PTAR1: variants seen among roughly 807,000 people sequenced by gnomAD.
PTAR1 encodes the protein protein prenyltransferase alpha subunit repeat containing 1, also known as protein prenyltransferase alpha subunit repeat-containing protein 1.
In PTAR1, 17 loss-of-function variants were observed where a neutral mutation model predicts 45.5. The ratio of observed to expected loss-of-function variants is 0.37; its 90% CI spans 0.26 to 0.56. The LOEUF (loss-of-function observed/expected upper bound fraction) is 0.56, where lower values mean the gene tolerates loss of function less well. Among genes scored for constraint, PTAR1 ranks in the 20% least tolerant of loss-of-function variants. The pLI, the probability that PTAR1 is intolerant of heterozygous loss-of-function variation, is 0.77. For missense variants in PTAR1, 391 were observed against 476.3 expected (o/e 0.82, Z 1.67); for synonymous variants, 169 against 171.3 (o/e 0.99, Z 0.11).
chr9:69,745,668 T>C (rs1826244628), intron 2 of PTAR1, among the ~76,000 whole-genome samples: 1 of 152,216 alleles, frequency 6.6e-6, no homozygotes, highest in South Asian at 2.1e-4. Flanking sequence ...CAGCAGCTAC[T>C]GGGTTCAGAC....
chr9:69,726,253 T>C (rs1369429886), intron 5 of PTAR1, among the ~76,000 whole-genome samples: 3 of 152,154 alleles, frequency 2.0e-5, no homozygotes, highest in Non-Finnish European at 2.9e-5. Context: ...TGTATGCACA[T>C]GCACAGAGTT....
At chr9:69,741,670 A>G in intron 3 of PTAR1, 122 bp downstream of exon 3, 1 of 655,862 alleles carries the variant, frequency 1.5e-6, no homozygotes, top group Non-Finnish European at 2.7e-6. Context: ...TATAAAGAAT[A>G]GGGAGAAGAA....
At chr9:69,756,366 T>A (rs938736805) in intron 1 of PTAR1, among the ~76,000 whole-genome samples, 1 of 152,222 alleles carries the variant, frequency 6.6e-6, no homozygotes, top group Admixed American at 6.5e-5. Context: ...TTACTTTTTA[T>A]GACTCTTTTC....
Position 69,727,726 on chromosome 9 carries a change from ACT to A in PTAR1, c.643-4098_643-4097del, listed in dbSNP as rs1367238071. Among the ~76,000 whole-genome samples, 3 of 152,112 alleles carry A rather than the reference ACT, an allele frequency of 2.0e-5. No individual in the cohort carries two copies. The East Asian group carries it at 5.8e-4, about 29-fold the overall frequency. ...TTGAAATAGCATCACAATTTTAATTACTCTGTCTTATTAATAAACATGTAAGT... is the reference window on the plus strand; with the variant it reads ...TTGAAATAGCATCACAATTTTAATTACTGTCTTATTAATAAACATGTAAGT... On this transcript the variant is annotated intron_variant, in intron 5 of 7. Transcript: ENST00000340434.
chr9:69,730,597 C>G (rs546949029), intron 5 of PTAR1, among the ~76,000 whole-genome samples: 1 of 148,504 alleles, frequency 6.7e-6, no homozygotes, highest in East Asian at 2.0e-4. Context: ...ATGTATCTTC[C>G]TTCCCCCGGC....
intron 1 of PTAR1, among the ~76,000 whole-genome samples, chr9:69,755,364 G>C (rs925550339): frequency 6.6e-6 from 1 of 152,164 alleles, no homozygotes; most frequent in African/African-American, 2.4e-5. Flanking sequence ...TCCAGATGAT[G>C]TTCACAGTTC....
chr9:69,718,602 C>T (rs756484957), intron 7 of PTAR1, 34 bp from the exon 8 acceptor site: 40 of 1,613,238 alleles, frequency 2.5e-5, no homozygotes, highest in Non-Finnish European at 3.2e-5. Context: ...AAAGTCCCCC[C>T]AGGGCTGTCT....
intron 3 of PTAR1, among the ~76,000 whole-genome samples, chr9:69,736,359 C>A (rs535026713): frequency 6.6e-6 from 1 of 152,242 alleles, no homozygotes; most frequent in African/African-American, 2.4e-5. Context: ...GAGATTGAGA[C>A]CATCCTGGCC....
intron 3 of PTAR1, among the ~76,000 whole-genome samples, chr9:69,738,871 G>A (rs1298904128): frequency 1.4e-5 from 2 of 147,958 alleles, no homozygotes; most frequent in African/African-American, 2.5e-5. Flanking sequence ...GCAGTGGCAC[G>A]CTCTTGGCTC....
At chr9:69,732,505 G>A (rs561979777) in intron 4 of PTAR1, among the ~76,000 whole-genome samples, 153 bp from the exon 5 acceptor site, 1 of 152,004 alleles carries the variant, frequency 6.6e-6, no homozygotes, top group Admixed American at 6.6e-5. Flanking sequence ...ATGGGGAGGG[G>A]TTGTTTTGTT....
intron 2 of PTAR1, among the ~76,000 whole-genome samples, chr9:69,745,321 T>A (rs759712724): frequency 1.0e-3 from 158 of 152,218 alleles, no homozygotes; most frequent in Non-Finnish European, 1.7e-3. Context: ...CCTCTGGAAT[T>A]TCTTTTGACA....
At position 69,714,579 on chromosome 9, in the gene PTAR1, G is replaced by C. The variant is rs1392280490; in HGVS notation, c.*3763C>G. Reference sequence around the variant, plus strand: ...TGGCATGACCTGAACATACCTAAGTGGCATACGATCTACTATGTATTTGCT... The same window carrying C: ...TGGCATGACCTGAACATACCTAAGTCGCATACGATCTACTATGTATTTGCT... On this transcript the variant is annotated 3_prime_UTR_variant, in exon 8 of 8. Transcript: ENST00000340434. The C allele has an allele frequency of 6.6e-6, 1 of 152,028 alleles. No individual in the cohort carries two copies. The highest frequency in any genetic ancestry group is 1.5e-5 in the Non-Finnish European group (1 of 68,002). 9.4% of individuals were successfully genotyped at this position (152,028 alleles called of 1,614,324 possible).
chr9:69,731,756 G>A (rs746583399), intron 5 of PTAR1, among the ~76,000 whole-genome samples: 6 of 141,236 alleles, frequency 4.2e-5, no homozygotes, highest in Non-Finnish European at 9.6e-5. Context: ...CAGAGGACGA[G>A]AGTGTGAAAA....
intron 5 of PTAR1, among the ~76,000 whole-genome samples, chr9:69,729,630 G>T (rs1392619650): frequency 6.6e-6 from 1 of 152,132 alleles, no homozygotes; most frequent in African/African-American, 2.4e-5. Flanking sequence ...TCAGTGAGAT[G>T]GGAATTATTG....
rs563915896 is a variant in PTAR1, at chr9:69,714,891, T to G, written c.*3451A>C. ...GCTTAAAAAATGACTCATACAGATTTAAGAAATATCTGAAAGAGTCACAGT... is the reference window on the plus strand; with the variant it reads ...GCTTAAAAAATGACTCATACAGATTGAAGAAATATCTGAAAGAGTCACAGT... On this transcript the variant is annotated 3_prime_UTR_variant, in exon 8 of 8. Coordinates refer to ENST00000340434, the MANE Select transcript of PTAR1 (RefSeq NM_001099666.2). The G allele has an allele frequency of 6.6e-6, 1 of 152,112 alleles. No individual in the cohort carries two copies. Among genetic ancestry groups the G allele is most frequent in the East Asian group, 1.9e-4 (1 of 5,170 alleles). 9.4% of individuals were successfully genotyped at this position (152,112 alleles called of 1,614,324 possible). A position where few individuals can be genotyped will look rare whatever the true frequency, so the allele number is the denominator to read the frequency against.
At position 69,717,580 on chromosome 9, in the gene PTAR1, CA is replaced by C. The variant is rs2134068369; in HGVS notation, c.*761del. On this transcript the variant is annotated 3_prime_UTR_variant, in exon 8 of 8. Coordinates refer to ENST00000340434, the MANE Select transcript of PTAR1 (RefSeq NM_001099666.2). Reference sequence around the variant, plus strand: ...TTCTGACTTTGGTAATTGGGTAGAACATGCTAGAGAAAGAGAACTAGTTTAC... The same window carrying C: ...TTCTGACTTTGGTAATTGGGTAGAACTGCTAGAGAAAGAGAACTAGTTTAC... 1 of 152,288 alleles carries C rather than the reference CA, an allele frequency of 6.6e-6. No individual in the cohort carries two copies. The highest frequency in any genetic ancestry group is 2.4e-5 in the African/African-American group (1 of 41,554). The allele number at this position is 152,288 out of a possible 1,614,324, so 9.4% of individuals were successfully genotyped here.
chr9:69,744,928 G>A (rs1239475396), intron 2 of PTAR1, among the ~76,000 whole-genome samples: 1 of 152,126 alleles, frequency 6.6e-6, no homozygotes, highest in Non-Finnish European at 1.5e-5. Context: ...AAGAGGATAG[G>A]CCTTCCTTAA....
chr9:69,757,055 T>C (rs1216982734), intron 1 of PTAR1: 1 of 152,212 alleles, frequency 6.6e-6, no homozygotes, highest in Non-Finnish European at 1.5e-5. Context: ...TGTTAGTGCC[T>C]TGGGTTCAAG....
In PTAR1 at chr9:69,715,423, G is replaced by A. The variant is rs1269051511; in HGVS notation, c.*2919C>T. 1 of 152,018 alleles carries A rather than the reference G, an allele frequency of 6.6e-6. No individual in the cohort carries two copies. Among genetic ancestry groups the A allele is most frequent in the African/African-American group, 2.4e-5 (1 of 41,414 alleles). 9.4% of individuals were successfully genotyped at this position (152,018 alleles called of 1,614,324 possible). A position where few individuals can be genotyped will look rare whatever the true frequency, so the allele number is the denominator to read the frequency against. On this transcript the variant is annotated 3_prime_UTR_variant, in exon 8 of 8. Transcript: ENST00000340434. ...CCTCACAATGTGCAGGGCACAAGTA[G>A]AATCTGGAAAACACCGTACTGCCAA...
Sources: gnomAD v4.1 joint callset for allele counts (sites outside exome capture counted in the v4.1 genomes callset) on GRCh38, gnomAD v4.1.1 for gene constraint, MANE v1.5 for transcripts, NCBI Gene and HGNC (gene_info 2026-07-23, HGNC 2026-07-21) for gene names.